The following CFAP95 variants were observed in gnomAD, a reference collection of about 807,000 sequenced individuals.
CFAP95 encodes cilia- and flagella-associated protein 95.
At chr9:69,823,905 G>A in the CFAP95 span, among the ~76,000 whole-genome samples, 1 of 152,146 alleles carries the variant, frequency 6.6e-6, no homozygotes, top group African/African-American at 2.4e-5. Flanking sequence ...ATCAGTTAAG[G>A]CAGGAACAGG....
At chr9:69,832,530 AT>A in the CFAP95 span, among the ~76,000 whole-genome samples, 46 of 146,964 alleles carry the variant, frequency 3.1e-4, no homozygotes, top group African/African-American at 7.8e-4. Context: ...ACAAATATGA[AT>A]TTTTTTTCCC....
chr9:69,841,933 C>T, the CFAP95 span, among the ~76,000 whole-genome samples: 1 of 152,154 alleles, frequency 6.6e-6, no homozygotes, highest in Non-Finnish European at 1.5e-5. Context: ...ATGGGTGCTA[C>T]AATTCAAGGT....
chr9:69,893,098 G>A, the CFAP95 span, among the ~76,000 whole-genome samples: 1 of 152,220 alleles, frequency 6.6e-6, no homozygotes, highest in Admixed American at 6.5e-5. Flanking sequence ...GCAAAGCTAA[G>A]ACAGTACACT....
At chr9:69,827,766 G>C in the CFAP95 span, among the ~76,000 whole-genome samples, 7,207 of 152,182 alleles carry the variant, frequency 0.047, 564 homozygotes, top group African/African-American at 0.16. Context: ...CTCTTGCAGG[G>C]GACTACAGAT....
At chr9:69,836,882 C>A in the CFAP95 span, among the ~76,000 whole-genome samples, 1 of 139,998 alleles carries the variant, frequency 7.1e-6, no homozygotes, top group African/African-American at 2.7e-5. Context: ...CCTCCCGCCT[C>A]CCCCCACCCC....
At chr9:69,889,333 C>A in the CFAP95 span, among the ~76,000 whole-genome samples, 6 of 152,332 alleles carry the variant, frequency 3.9e-5, no homozygotes, top group South Asian at 1.0e-3. Flanking sequence ...TGCTCCAGAT[C>A]CATTTAACGA....
At chr9:69,865,006 C>T in the CFAP95 span, among the ~76,000 whole-genome samples, 21 of 152,178 alleles carry the variant, frequency 1.4e-4, no homozygotes, top group African/African-American at 5.1e-4. Flanking sequence ...ATTATAATCC[C>T]CATAATCCCC....
At chr9:69,869,752 C>A in the CFAP95 span, among the ~76,000 whole-genome samples, 77 of 128,946 alleles carry the variant, frequency 6.0e-4, no homozygotes, top group Admixed American at 1.4e-3. Context: ...TAAAAAAAAA[C>A]CCCAAATTGA....
the CFAP95 span, among the ~76,000 whole-genome samples, chr9:69,835,326 G>C: frequency 6.6e-6 from 1 of 152,286 alleles, no homozygotes; most frequent in Non-Finnish European, 1.5e-5. Flanking sequence ...GTCACCACAA[G>C]CTAGAATTCA....
the CFAP95 span, among the ~76,000 whole-genome samples, chr9:69,847,490 T>A: frequency 6.6e-6 from 1 of 152,236 alleles, no homozygotes; most frequent in Admixed American, 6.5e-5. Flanking sequence ...AGTACCAAAC[T>A]TTTCCACTTC....
At chr9:69,900,520 A>G in the CFAP95 span, among the ~76,000 whole-genome samples, 2 of 152,200 alleles carry the variant, frequency 1.3e-5, no homozygotes, top group Admixed American at 6.5e-5. Context: ...TGTAACTGGC[A>G]ATCTTTTTCT....
the CFAP95 span, among the ~76,000 whole-genome samples, chr9:69,833,441 A>G: frequency 6.6e-6 from 1 of 152,158 alleles, no homozygotes; most frequent in South Asian, 2.1e-4. Flanking sequence ...ACCTCAAGCA[A>G]TCTACCTGCC....
the CFAP95 span, among the ~76,000 whole-genome samples, chr9:69,862,445 C>T: frequency 1.3e-5 from 2 of 152,136 alleles, no homozygotes; most frequent in Admixed American, 6.6e-5. Flanking sequence ...TTAATATACA[C>T]TAATTATAGA....
the CFAP95 span, among the ~76,000 whole-genome samples, chr9:69,888,911 T>G: frequency 6.6e-6 from 1 of 152,024 alleles, no homozygotes. Flanking sequence ...GACCTAATAA[T>G]TCTTTTTCTA....
chr9:69,867,102 T>C, the CFAP95 span, among the ~76,000 whole-genome samples: 1 of 152,236 alleles, frequency 6.6e-6, no homozygotes, highest in Non-Finnish European at 1.5e-5. Context: ...GTGGGATATC[T>C]GGTGTTAGTA....
the CFAP95 span, among the ~76,000 whole-genome samples, chr9:69,896,762 C>T: frequency 1.3e-5 from 2 of 152,160 alleles, no homozygotes; most frequent in East Asian, 3.9e-4. Context: ...GTGGCTCACA[C>T]CTGTCATCCC....
chr9:69,841,198 T>TATATATATATATATATG, the CFAP95 span, among the ~76,000 whole-genome samples: 2 of 38,492 alleles, frequency 5.2e-5, no homozygotes, highest in South Asian at 7.5e-4. Flanking sequence ...ATATATATAT[T>TATATATATATATATATG]TCTGATTTAA....
the CFAP95 span, chr9:69,844,551 G>A: frequency 6.2e-7 from 1 of 1,611,820 alleles, no homozygotes. Flanking sequence ...CAAAGGTTAT[G>A]ATATAGAGGG....
At chr9:69,854,229 C>T in the CFAP95 span, among the ~76,000 whole-genome samples, 6 of 152,304 alleles carry the variant, frequency 3.9e-5, no homozygotes, top group African/African-American at 1.4e-4. Flanking sequence ...CTCCAACTTT[C>T]CATGTCTTCA....
Sources: gnomAD v4.1 joint callset for allele counts (sites outside exome capture counted in the v4.1 genomes callset) on GRCh38, gnomAD v4.1.1 for gene constraint, MANE v1.5 for transcripts, NCBI Gene and HGNC (gene_info 2026-07-23, HGNC 2026-07-21) for gene names.